The following SMARCC1 variants were observed in gnomAD, a reference collection of about 807,000 sequenced individuals.
SMARCC1 encodes the protein SWI/SNF complex subunit SMARCC1.
Under a neutral mutation model 147.4 loss-of-function variants are expected in SMARCC1, and 43 were observed. The observed-to-expected ratio is 0.29, with a 90% CI of 0.23 to 0.38. The LOEUF is 0.38. Among genes scored for constraint, SMARCC1 ranks in the 10% least tolerant of loss-of-function variants. SMARCC1 has a pLI of 1.00. For missense variants in SMARCC1, 1,119 were observed against 1,381.1 expected (o/e 0.81, Z 3.01); for synonymous variants, 495 against 484.4 (o/e 1.02, Z -0.29).
intron 14 of SMARCC1, among the ~76,000 whole-genome samples, chr3:47,685,376 T>C (rs1437254164): frequency 6.6e-6 from 1 of 152,182 alleles, no homozygotes; most frequent in Non-Finnish European, 1.5e-5. Context: ...ATTTTTAATC[T>C]AGAGTTAATT....
At chr3:47,647,836 T>C (rs1233906965) in intron 21 of SMARCC1, among the ~76,000 whole-genome samples, 1 of 152,368 alleles carries the variant, frequency 6.6e-6, no homozygotes, top group African/African-American at 2.4e-5. Context: ...CCTACCTTTG[T>C]AGGCTATTCT....
intron 2 of SMARCC1, among the ~76,000 whole-genome samples, chr3:47,748,417 T>G (rs2034590976): frequency 6.6e-6 from 1 of 152,058 alleles, no homozygotes; most frequent in South Asian, 2.1e-4. Context: ...AAAGACAAAC[T>G]TTTGCCATAT....
At chr3:47,650,159 C>T (rs557026575) in intron 21 of SMARCC1, among the ~76,000 whole-genome samples, 12 of 151,756 alleles carry the variant, frequency 7.9e-5, no homozygotes, top group African/African-American at 2.2e-4. Flanking sequence ...GCCTGTAGTC[C>T]CAGCTACTTG....
At chr3:47,679,466 T>C (rs1039313853) in intron 15 of SMARCC1, among the ~76,000 whole-genome samples, 1 of 152,172 alleles carries the variant, frequency 6.6e-6, no homozygotes, top group Non-Finnish European at 1.5e-5. Flanking sequence ...TATCATCATA[T>C]CTCTCTTTTA....
At chr3:47,701,222 G>A in intron 11 of SMARCC1, 56 bp downstream of exon 11, 2 of 1,498,084 alleles carry the variant, frequency 1.3e-6, no homozygotes, top group East Asian at 2.3e-5. Context: ...TCATCCCATG[G>A]TATTGCTGAG....
intron 25 of SMARCC1, among the ~76,000 whole-genome samples, chr3:47,618,899 T>C (rs2032687441): frequency 2.0e-5 from 3 of 152,208 alleles, no homozygotes; most frequent in African/African-American, 4.8e-5. Flanking sequence ...GGATCAGTTA[T>C]GCTTTGCAAA....
chr3:47,655,131 C>G (rs911940492), intron 21 of SMARCC1, among the ~76,000 whole-genome samples: 1 of 152,186 alleles, frequency 6.6e-6, no homozygotes, highest in African/African-American at 2.4e-5. Flanking sequence ...CTGATATCCA[C>G]TTGAACTGCC....
chr3:47,707,117 C>T (rs1027858359), intron 9 of SMARCC1, among the ~76,000 whole-genome samples: 8 of 152,010 alleles, frequency 5.3e-5, no homozygotes, highest in Non-Finnish European at 1.2e-4. Flanking sequence ...TCAAGACCAA[C>T]CTCTCCAACA....
At chr3:47,774,250 T>G (rs1383661257) in intron 1 of SMARCC1, among the ~76,000 whole-genome samples, 1 of 151,082 alleles carries the variant, frequency 6.6e-6, no homozygotes, top group East Asian at 1.9e-4. Flanking sequence ...TTTTTTTTTT[T>G]TTTTGAGATG....
chr3:47,598,959 G>C (rs905570728), intron 26 of SMARCC1, among the ~76,000 whole-genome samples: 1 of 151,942 alleles, frequency 6.6e-6, no homozygotes, highest in Non-Finnish European at 1.5e-5. Context: ...GTAAGACAAG[G>C]AATGCTGCAA....
chr3:47,723,783 C>A (rs1330081588), intron 6 of SMARCC1, among the ~76,000 whole-genome samples: 2 of 151,576 alleles, frequency 1.3e-5, no homozygotes, highest in Non-Finnish European at 2.9e-5. Flanking sequence ...GCACTTTAGG[C>A]CTGGGCAACA....
At chr3:47,742,438 C>G (rs2034519616) in intron 3 of SMARCC1, among the ~76,000 whole-genome samples, 1 of 152,154 alleles carries the variant, frequency 6.6e-6, no homozygotes, top group African/African-American at 2.4e-5. Context: ...ATGAATAGGT[C>G]AAACTTGTTA....
chr3:47,751,859 G>A (rs756346138), intron 2 of SMARCC1, among the ~76,000 whole-genome samples: 3 of 151,784 alleles, frequency 2.0e-5, no homozygotes, highest in Non-Finnish European at 4.4e-5. Context: ...AGAGGAGGGT[G>A]GATCACGAGG....
chr3:47,701,627 A>C (rs1373196421), intron 10 of SMARCC1: 1 of 462,450 alleles, frequency 2.2e-6, no homozygotes, highest in Non-Finnish European at 3.9e-6. Context: ...CAGCCTGACC[A>C]ACATAGCGAA....
At chr3:47,765,078 C>T (rs533200685) in intron 2 of SMARCC1, among the ~76,000 whole-genome samples, 212 of 152,156 alleles carry the variant, frequency 1.4e-3, no homozygotes, top group African/African-American at 4.8e-3. Flanking sequence ...ATGGAGAAAC[C>T]CTGTCTCTAC....
At chr3:47,751,396 C>G (rs566335506) in intron 2 of SMARCC1, among the ~76,000 whole-genome samples, 445 of 152,002 alleles carry the variant, frequency 2.9e-3, no homozygotes, top group African/African-American at 8.9e-3. Context: ...CAAAAATTAG[C>G]TGGGCATGGT....
Position 47,668,896 on chromosome 3 carries a change from A to G in SMARCC1, c.1899+1762T>C, listed in dbSNP as rs2033458598. Among the ~76,000 whole-genome samples, 4 of 152,210 alleles carry G rather than the reference A, an allele frequency of 2.6e-5. No individual in the cohort carries two copies. The South Asian group carries it at 8.3e-4, about 32-fold the overall frequency. The stretch of plus-strand genomic sequence containing the variant: ...GAAAAACCCTGTCTTAAAAAAAAAA[A>G]AAAGGTACGATGCTATTTTGAAAAC... On this transcript the variant is annotated intron_variant, in intron 19 of 27. Coordinates refer to ENST00000254480, the MANE Select transcript of SMARCC1 (RefSeq NM_003074.4).
intron 25 of SMARCC1, among the ~76,000 whole-genome samples, chr3:47,613,778 T>A (rs1379699817): frequency 6.6e-6 from 1 of 152,094 alleles, no homozygotes; most frequent in African/African-American, 2.4e-5. Flanking sequence ...TGAAGACACA[T>A]CCTGAGCCCC....
At chr3:47,771,700 C>T (rs1457242584) in intron 2 of SMARCC1, among the ~76,000 whole-genome samples, 1 of 152,112 alleles carries the variant, frequency 6.6e-6, no homozygotes, top group East Asian at 1.9e-4. Context: ...GCCAAGATCA[C>T]TCCACTGCAC....
Sources: gnomAD v4.1 joint callset for allele counts (sites outside exome capture counted in the v4.1 genomes callset) on GRCh38, gnomAD v4.1.1 for gene constraint, MANE v1.5 for transcripts, NCBI Gene and HGNC (gene_info 2026-07-23, HGNC 2026-07-21) for gene names.